SCHIP1: variants seen among roughly 807,000 people sequenced by gnomAD.
SCHIP1 encodes schwannomin interacting protein 1, also known as schwannomin-interacting protein 1.
In SCHIP1, 8 loss-of-function variants were observed where a neutral mutation model predicts 29.7. The observed-to-expected ratio is 0.27, with a 90% CI of 0.16 to 0.49. The LOEUF (loss-of-function observed/expected upper bound fraction) is 0.49, where lower values mean the gene tolerates loss of function less well. Ranked by LOEUF, SCHIP1 falls within the 20% of genes least tolerant of loss-of-function variation. The pLI is 0.99. For missense variants in SCHIP1, 193 were observed against 294.6 expected (o/e 0.66, Z 2.52); for synonymous variants, 76 against 94.9 (o/e 0.80, Z 1.16).
At chr3:159,412,416 A>G in the SCHIP1 span, among the ~76,000 whole-genome samples, 1 of 152,340 alleles carries the variant, frequency 6.6e-6, no homozygotes, top group South Asian at 2.1e-4. Context: ...GGATATATGT[A>G]ATCCTATTTA....
the SCHIP1 span, among the ~76,000 whole-genome samples, chr3:159,828,554 A>G: frequency 2.0e-5 from 3 of 151,308 alleles, no homozygotes; most frequent in Non-Finnish European, 4.4e-5. Flanking sequence ...TGAAATGTTA[A>G]TGAGAAAATG....
chr3:159,425,325 C>G, the SCHIP1 span, among the ~76,000 whole-genome samples: 1 of 151,026 alleles, frequency 6.6e-6, no homozygotes, highest in East Asian at 1.9e-4. Context: ...CACATAGGCT[C>G]AAAATAAAAG....
chr3:159,517,642 T>C, the SCHIP1 span, among the ~76,000 whole-genome samples: 1 of 152,174 alleles, frequency 6.6e-6, no homozygotes, highest in East Asian at 1.9e-4. Context: ...TCTTAAAAAC[T>C]ATTTTTCATT....
the SCHIP1 span, among the ~76,000 whole-genome samples, chr3:159,778,236 A>G: frequency 6.6e-6 from 1 of 152,012 alleles, no homozygotes; most frequent in Admixed American, 6.6e-5. Flanking sequence ...CTCATGATCC[A>G]CCTGCCTCGG....
chr3:159,779,392 G>T, the SCHIP1 span, among the ~76,000 whole-genome samples: 4 of 151,722 alleles, frequency 2.6e-5, no homozygotes, highest in Middle Eastern at 3.2e-3. Flanking sequence ...CCCCGGCCAG[G>T]TGCAGTGGCT....
At chr3:159,567,333 T>G in the SCHIP1 span, among the ~76,000 whole-genome samples, 1 of 152,220 alleles carries the variant, frequency 6.6e-6, no homozygotes, top group Admixed American at 6.5e-5. Context: ...GTTTTACATT[T>G]TAATGTATCA....
chr3:159,536,331 G>A, the SCHIP1 span, among the ~76,000 whole-genome samples: 1 of 152,156 alleles, frequency 6.6e-6, no homozygotes, highest in Non-Finnish European at 1.5e-5. Flanking sequence ...ATGTAGTGGG[G>A]ACTGTGATCA....
At chr3:159,350,085 T>A in the SCHIP1 span, among the ~76,000 whole-genome samples, 1 of 152,198 alleles carries the variant, frequency 6.6e-6, no homozygotes, top group Non-Finnish European at 1.5e-5. Flanking sequence ...GCTGGGTACA[T>A]TTCATGGTGG....
chr3:159,622,640 C>T, the SCHIP1 span, among the ~76,000 whole-genome samples: 14 of 151,988 alleles, frequency 9.2e-5, no homozygotes, highest in African/African-American at 1.7e-4. Context: ...AATTTACAGC[C>T]GGGCATGGTG....
the SCHIP1 span, among the ~76,000 whole-genome samples, chr3:159,463,827 T>C: frequency 6.6e-6 from 1 of 152,076 alleles, no homozygotes; most frequent in Non-Finnish European, 1.5e-5. Context: ...TATTACATTA[T>C]TCTGTGAATT....
At chr3:159,483,071 C>T in the SCHIP1 span, among the ~76,000 whole-genome samples, 1 of 152,114 alleles carries the variant, frequency 6.6e-6, no homozygotes. Flanking sequence ...AGTTTAGCTG[C>T]AATTTGGGGA....
At chr3:159,470,297 T>C in the SCHIP1 span, among the ~76,000 whole-genome samples, 5 of 151,996 alleles carry the variant, frequency 3.3e-5, no homozygotes, top group African/African-American at 9.7e-5. Flanking sequence ...ACATGAAACA[T>C]AAATAGTTTT....
At chr3:159,542,036 T>C in the SCHIP1 span, among the ~76,000 whole-genome samples, 2 of 152,076 alleles carry the variant, frequency 1.3e-5, no homozygotes, top group Admixed American at 6.6e-5. Flanking sequence ...ATTTGGGATT[T>C]AGTTTATCTT....
chr3:159,414,958 CA>C, the SCHIP1 span, among the ~76,000 whole-genome samples: 1 of 152,196 alleles, frequency 6.6e-6, no homozygotes, highest in Non-Finnish European at 1.5e-5. Context: ...GTTAGGTGAT[CA>C]TAACAGGCCA....
chr3:159,583,260 G>T, the SCHIP1 span, among the ~76,000 whole-genome samples: 1 of 152,076 alleles, frequency 6.6e-6, no homozygotes, highest in South Asian at 2.1e-4. Flanking sequence ...ACCCAACAAA[G>T]ACTAACTCAC....
the SCHIP1 span, among the ~76,000 whole-genome samples, chr3:159,812,176 G>T: frequency 6.6e-6 from 1 of 152,030 alleles, no homozygotes; most frequent in East Asian, 1.9e-4. Context: ...TCACCATGTT[G>T]GCCAGGCTGG....
At chr3:159,611,966 G>A in the SCHIP1 span, among the ~76,000 whole-genome samples, 1 of 152,016 alleles carries the variant, frequency 6.6e-6, no homozygotes, top group Non-Finnish European at 1.5e-5. Flanking sequence ...TTTCTCATAA[G>A]TGGAAATTAT....
the SCHIP1 span, among the ~76,000 whole-genome samples, chr3:159,417,037 T>C: frequency 6.6e-6 from 1 of 152,176 alleles, no homozygotes; most frequent in Non-Finnish European, 1.5e-5. Flanking sequence ...CAATCTGTAA[T>C]GTGGCTGAAA....
the SCHIP1 span, among the ~76,000 whole-genome samples, chr3:159,295,915 A>G: frequency 6.6e-6 from 1 of 152,214 alleles, no homozygotes; most frequent in Non-Finnish European, 1.5e-5. Context: ...ATGTACACAT[A>G]TATGTCAATG....
Sources: gnomAD v4.1 joint callset for allele counts (sites outside exome capture counted in the v4.1 genomes callset) on GRCh38, gnomAD v4.1.1 for gene constraint, MANE v1.5 for transcripts, NCBI Gene and HGNC (gene_info 2026-07-23, HGNC 2026-07-21) for gene names.